GRM5: variants seen among roughly 807,000 people sequenced by gnomAD.
The protein encoded by GRM5 is metabotropic glutamate receptor 5.
In GRM5, 19 loss-of-function variants were observed where a neutral mutation model predicts 83.1. That is an observed-to-expected ratio of 0.23 (90% confidence interval 0.16 to 0.34). GRM5 has a LOEUF of 0.34. GRM5 is among the 10% of genes least tolerant of loss of function. The pLI is 1.00. For synonymous variants in GRM5, 675 were observed against 633.6 expected, an observed-to-expected ratio of 1.07 and a Z score of -0.98; for missense variants, 1,160 against 1,588.3, an observed-to-expected ratio of 0.73 and a Z score of 4.58.
intron 3 of GRM5, among the ~76,000 whole-genome samples, chr11:88,824,287 A>G (rs1265416203): frequency 1.3e-5 from 2 of 152,166 alleles, no homozygotes; most frequent in Non-Finnish European, 2.9e-5. Flanking sequence ...GCGGGGGAGA[A>G]GGACTGAGGA....
intron 3 of GRM5, among the ~76,000 whole-genome samples, chr11:88,694,848 A>G (rs1022643304): frequency 6.6e-6 from 1 of 152,180 alleles, no homozygotes; most frequent in Non-Finnish European, 1.5e-5. Flanking sequence ...TTTCTCTTGT[A>G]TATGTATATG....
chr11:88,665,162 T>TACACACACACACACACACACAC (rs1214459891), intron 3 of GRM5, among the ~76,000 whole-genome samples: 2,020 of 140,928 alleles, frequency 0.014, 25 homozygotes, highest in East Asian at 0.041. Context: ...TTAATTTATT[T>TACACACACACACACACACACAC]ACACACACAC....
At chr11:88,906,573 T>C (rs1590954560) in intron 2 of GRM5, among the ~76,000 whole-genome samples, 1 of 152,212 alleles carries the variant, frequency 6.6e-6, no homozygotes, top group South Asian at 2.1e-4. Context: ...CTATGATAAA[T>C]AGATGTTGGT....
chr11:88,563,733 A>G (rs1223361969), intron 8 of GRM5, among the ~76,000 whole-genome samples: 1 of 152,230 alleles, frequency 6.6e-6, no homozygotes, highest in Non-Finnish European at 1.5e-5. Context: ...AGCAATTTAG[A>G]AGAAAATGTA....
chr11:88,544,269 A>C (rs191664770), intron 8 of GRM5, among the ~76,000 whole-genome samples: 2 of 152,280 alleles, frequency 1.3e-5, no homozygotes, highest in East Asian at 3.9e-4. Flanking sequence ...AAAATGGTGA[A>C]ATGGTACCTG....
chr11:88,907,846 T>C (rs1444773105), intron 2 of GRM5, among the ~76,000 whole-genome samples: 3 of 152,202 alleles, frequency 2.0e-5, no homozygotes, highest in African/African-American at 4.8e-5. Context: ...TATATATATT[T>C]ATAGAATCTC....
intron 2 of GRM5, among the ~76,000 whole-genome samples, chr11:88,945,205 G>C (rs1207351475): frequency 6.6e-6 from 1 of 151,546 alleles, no homozygotes; most frequent in African/African-American, 2.4e-5. Context: ...CCTCTACAGG[G>C]ACAACTACTT....
chr11:88,540,056 G>T (rs1425987773), intron 8 of GRM5, among the ~76,000 whole-genome samples: 3 of 152,136 alleles, frequency 2.0e-5, no homozygotes, highest in South Asian at 2.1e-4. Context: ...CAAGTGAAAT[G>T]GTAAAAGCAG....
chr11:89,043,192 C>T (rs1042707024), intron 2 of GRM5, among the ~76,000 whole-genome samples: 2 of 152,114 alleles, frequency 1.3e-5, no homozygotes, highest in Non-Finnish European at 2.9e-5. Flanking sequence ...CTCTATTCAG[C>T]AAATAGTCTT....
chr11:88,832,025 C>T (rs1041030771), intron 3 of GRM5, among the ~76,000 whole-genome samples: 25 of 152,306 alleles, frequency 1.6e-4, no homozygotes, highest in Admixed American at 7.8e-4. Context: ...GTTCCTGTCT[C>T]CAGCAAAACA....
intron 7 of GRM5, among the ~76,000 whole-genome samples, chr11:88,577,229 T>C (rs866192248): frequency 3.3e-5 from 5 of 152,148 alleles, no homozygotes; most frequent in African/African-American, 1.2e-4. Flanking sequence ...TTTTTCTCTT[T>C]CCAAGCCTAT....
chr11:89,040,431 C>T (rs751857688), intron 2 of GRM5, among the ~76,000 whole-genome samples: 2 of 152,090 alleles, frequency 1.3e-5, no homozygotes, highest in Non-Finnish European at 2.9e-5. Flanking sequence ...AAGACAATGT[C>T]GGTTGTCGTA....
At chr11:89,017,214 G>A (rs879305798) in intron 2 of GRM5, among the ~76,000 whole-genome samples, 2 of 152,076 alleles carry the variant, frequency 1.3e-5, no homozygotes, top group Non-Finnish European at 2.9e-5. Flanking sequence ...GACCACCAAG[G>A]TTTAACTAAT....
At chr11:89,020,847 T>C (rs1034076064) in intron 2 of GRM5, among the ~76,000 whole-genome samples, 7 of 152,232 alleles carry the variant, frequency 4.6e-5, no homozygotes, top group South Asian at 2.1e-4. Flanking sequence ...TATCCTTCCA[T>C]GTAATCACAA....
intron 3 of GRM5, among the ~76,000 whole-genome samples, chr11:88,673,943 TG>T (rs1381090345): frequency 3.3e-5 from 5 of 151,366 alleles, no homozygotes; most frequent in African/African-American, 1.2e-4. Context: ...GCATTTCTGT[TG>T]TAGGTTGTGT....
intron 3 of GRM5, among the ~76,000 whole-genome samples, chr11:88,819,119 A>G (rs1943741449): frequency 1.3e-5 from 2 of 152,206 alleles, no homozygotes; most frequent in Admixed American, 6.5e-5. Flanking sequence ...AATGCTTCCA[A>G]AGAGAGAGAG....
At chr11:88,669,302 C>T (rs962986811) in intron 3 of GRM5, among the ~76,000 whole-genome samples, 5 of 152,044 alleles carry the variant, frequency 3.3e-5, no homozygotes, top group African/African-American at 1.2e-4. Flanking sequence ...GATAAAATGA[C>T]CTTGGCAACC....
intron 2 of GRM5, among the ~76,000 whole-genome samples, chr11:88,864,238 T>G (rs531770464): frequency 1.3e-5 from 2 of 151,034 alleles, no homozygotes; most frequent in Admixed American, 1.3e-4. Context: ...AGGCCCAAAC[T>G]TGATACATAA....
intron 6 of GRM5, among the ~76,000 whole-genome samples, chr11:88,593,052 T>C (rs955008351): frequency 6.6e-6 from 1 of 152,120 alleles, no homozygotes; most frequent in Non-Finnish European, 1.5e-5. Flanking sequence ...ACTCCTGAGC[T>C]CAAGGGATTC....
Sources: gnomAD v4.1 joint callset for allele counts (sites outside exome capture counted in the v4.1 genomes callset) on GRCh38, gnomAD v4.1.1 for gene constraint, MANE v1.5 for transcripts, NCBI Gene and HGNC (gene_info 2026-07-23, HGNC 2026-07-21) for gene names.